Variants in EXOC6 observed in about 807,000 individuals in gnomAD.
The protein encoded by EXOC6 is exocyst complex component 6, also known as SEC15-like 1.
A neutral mutation model predicts 112.5 loss-of-function variants in EXOC6; 60 were observed. That is an observed-to-expected ratio of 0.53 (90% CI 0.43 to 0.66). EXOC6 has a LOEUF of 0.66. Among genes scored for constraint, EXOC6 ranks in the 30% least tolerant of loss-of-function variants. EXOC6 has a pLI of 0.00. For missense variants in EXOC6, 855 were observed against 957.1 expected (o/e 0.89, Z 1.41); for synonymous variants, 295 against 308.0 (o/e 0.96, Z 0.44).
At chr10:92,937,077 A>G (rs1218817334) in intron 12 of EXOC6, among the ~76,000 whole-genome samples, 1 of 152,230 alleles carries the variant, frequency 6.6e-6, no homozygotes, top group Non-Finnish European at 1.5e-5. Context: ...TGTGATTTTC[A>G]GTATCAAAGT....
Position 92,919,997 on chromosome 10 carries a change from G to C in EXOC6, c.835G>C (p.Asp279His). 1 of 1,605,114 alleles carries C rather than the reference G, an allele frequency of 6.2e-7. No individual in the cohort carries two copies. The highest frequency in any genetic ancestry group is 8.5e-7 in the Non-Finnish European group (1 of 1,175,322). Residue 279 changes from aspartate to histidine, a missense_variant, in exon 8 of 22, where the codon GAT becomes CAT. Transcript: ENST00000260762. Reference sequence around the variant, plus strand: ...TAATTTTCAGATCTTAACTGTTCAGGATCTTGTTGATTTTTCCCCTGTTTA... The same window carrying C: ...TAATTTTCAGATCTTAACTGTTCAGCATCTTGTTGATTTTTCCCCTGTTTA... ...ENEEEILTVQ[D>H]LVDFSPVYRC...
chr10:92,830,971 T>C (rs1459134638), upstream of EXOC6, among the ~76,000 whole-genome samples: 2 of 152,238 alleles, frequency 1.3e-5, no homozygotes, highest in South Asian at 2.1e-4. Flanking sequence ...GTTAGCACTA[T>C]GAGACAGGGG....
rs151328439 is a variant in EXOC6 at position 92,891,379 on chromosome 10, T to C, written c.102-1970T>C. The stretch of plus-strand genomic sequence containing the variant: ...AATATGTCCAAGATCAGAGCCTAGT[T>C]CTAACTCAGCTCTTACAGAACCTAC... On this transcript the variant is annotated intron_variant, in intron 1 of 21. Transcript: ENST00000260762. Among the ~76,000 whole-genome samples, 48 of 152,336 alleles carry C rather than the reference T, an allele frequency of 3.2e-4. No individual in the cohort carries two copies. In the East Asian group the frequency reaches 8.5e-3, roughly 27 times the overall value.
intron 19 of EXOC6, among the ~76,000 whole-genome samples, chr10:93,008,177 AAAAAG>A (rs938024729): frequency 6.6e-6 from 1 of 152,244 alleles, no homozygotes; most frequent in South Asian, 2.1e-4. Flanking sequence ...TCCATCTCAA[AAAAAG>A]AAAAGAAAAG....
chr10:92,863,776 G>A (rs375316291), intron 1 of EXOC6, among the ~76,000 whole-genome samples: 24 of 151,978 alleles, frequency 1.6e-4, no homozygotes, highest in Middle Eastern at 3.4e-3. Flanking sequence ...TTAGCTGGGC[G>A]TGGTGGTGGG....
At chr10:92,993,100 G>C (rs1843340298) in intron 18 of EXOC6, among the ~76,000 whole-genome samples, 1 of 152,068 alleles carries the variant, frequency 6.6e-6, no homozygotes, top group Non-Finnish European at 1.5e-5. Context: ...AATTAATGAA[G>C]TCACTTATCA....
At chr10:92,896,167 ATATATATATATATATTTTTTTTT>A (rs1849786592) in intron 4 of EXOC6, among the ~76,000 whole-genome samples, 4 of 23,460 alleles carry the variant, frequency 1.7e-4, no homozygotes, top group Admixed American at 8.4e-4. Flanking sequence ...ATATATATAT[ATATATATATATATATTTTTTTTT>A]TTTTTTTTTT....
intron 7 of EXOC6, among the ~76,000 whole-genome samples, chr10:92,917,498 A>G (rs981430217): frequency 2.0e-5 from 3 of 149,114 alleles, no homozygotes; most frequent in Admixed American, 6.7e-5. Flanking sequence ...TTCATCTTCT[A>G]TATCCAAATT....
chr10:93,048,446 C>G (rs539078267), intron 20 of EXOC6, among the ~76,000 whole-genome samples: 2 of 151,434 alleles, frequency 1.3e-5, no homozygotes, highest in South Asian at 4.2e-4. Context: ...CGCCTGTAAT[C>G]CCAGCACTTT....
At chr10:92,971,105 G>A (rs920621388) in intron 17 of EXOC6, among the ~76,000 whole-genome samples, 1 of 152,296 alleles carries the variant, frequency 6.6e-6, no homozygotes, top group African/African-American at 2.4e-5. Context: ...AGGCTGGAGT[G>A]AAGTGGCGCG....
At chr10:93,019,945 A>G (rs1259128568) in intron 20 of EXOC6, among the ~76,000 whole-genome samples, 1 of 152,224 alleles carries the variant, frequency 6.6e-6, no homozygotes, top group Non-Finnish European at 1.5e-5. Context: ...TAAAAAGTCC[A>G]TATGGTGAAT....
chr10:92,901,290 T>C (rs991488091), intron 5 of EXOC6: 2 of 152,204 alleles, frequency 1.3e-5, no homozygotes, highest in African/African-American at 2.4e-5. Flanking sequence ...TTTATCATTC[T>C]TGCCTTAATC....
chr10:92,871,057 A>G (rs565017843), intron 1 of EXOC6, among the ~76,000 whole-genome samples: 4 of 152,144 alleles, frequency 2.6e-5, no homozygotes, highest in Non-Finnish European at 5.9e-5. Flanking sequence ...GTGAAAATCA[A>G]TGGATCTGGT....
At chr10:92,904,718 C>T (rs369296630) in intron 5 of EXOC6, among the ~76,000 whole-genome samples, 1 of 151,942 alleles carries the variant, frequency 6.6e-6, no homozygotes, top group South Asian at 2.1e-4. Context: ...CATATTTTCT[C>T]CCAGTCTGTG....
At chr10:93,058,079 A>C (rs1846628718) in intron 21 of EXOC6, 144 bp from the exon 22 acceptor site, 2 of 646,406 alleles carry the variant, frequency 3.1e-6, no homozygotes, top group East Asian at 3.2e-5. Flanking sequence ...CTGTATGTTT[A>C]TTTAGTATCT....
At chr10:92,939,200 A>G (rs943784668) in intron 12 of EXOC6, among the ~76,000 whole-genome samples, 6 of 152,112 alleles carry the variant, frequency 3.9e-5, no homozygotes, top group Non-Finnish European at 8.8e-5. Flanking sequence ...ATATTTTTGA[A>G]TGAAATTTTG....
chr10:92,869,399 C>T (rs1304058573), intron 1 of EXOC6, among the ~76,000 whole-genome samples: 1 of 151,926 alleles, frequency 6.6e-6, no homozygotes, highest in Non-Finnish European at 1.5e-5. Flanking sequence ...ACCTCAAATT[C>T]CTGGGCTTAA....
At chr10:92,895,134 A>G (rs1849684839) in intron 4 of EXOC6, 114 bp downstream of exon 4, 2 of 689,838 alleles carry the variant, frequency 2.9e-6, no homozygotes, top group Non-Finnish European at 5.2e-6. Context: ...ATTGCCTCAC[A>G]ACAAAGACCA....
At chr10:92,834,552 A>C (rs1452803476), upstream of EXOC6, among the ~76,000 whole-genome samples, 1 of 152,216 alleles carries the variant, frequency 6.6e-6, no homozygotes, top group Non-Finnish European at 1.5e-5. Context: ...GCTGTGCAAC[A>C]TTCTTGGAAG....
Sources: allele counts gnomAD v4.1 joint callset (sites outside exome capture counted in the v4.1 genomes callset), GRCh38; gene constraint gnomAD v4.1.1; transcripts MANE v1.5; gene names NCBI Gene and HGNC (gene_info 2026-07-23, HGNC 2026-07-21).